Variants in CDH9 observed in about 807,000 individuals in gnomAD.
The protein encoded by CDH9 is cadherin 9.
In CDH9, 28 loss-of-function variants were observed where a neutral mutation model predicts 70.9. The ratio of observed to expected loss-of-function variants is 0.40; its 90% CI spans 0.29 to 0.54. CDH9 has a LOEUF of 0.54. Among genes scored for constraint, CDH9 ranks in the 20% least tolerant of loss-of-function variants. CDH9 has a pLI of 0.59. For synonymous variants in CDH9, 409 were observed against 343.1 expected (o/e 1.19, Z -2.12); for missense variants, 874 against 984.4 (o/e 0.89, Z 1.50).
chr5:26,885,800 A>T lies in CDH9; in HGVS notation c.1696T>A (p.Leu566Met). The change falls in exon 11 of 12, where the codon TTG becomes ATG. Residue 566 changes from leucine to methionine, a missense_variant. Transcript: ENST00000231021. ...YSRNKMSTYL[L>M]PILIFDNDYP... The stretch of plus-strand genomic sequence containing the variant: ...TCGTTGTCAAAGATTAAAATCGGCA[A>T]TAAGTAGGTGCTCATTTTGTTGCGA... 6.2e-7 allele frequency: 1 copy of T among 1,613,900 alleles called. No homozygotes were observed.
chr5:26,936,063 G>A (rs535387461), intron 2 of CDH9, among the ~76,000 whole-genome samples: 238 of 152,070 alleles, frequency 1.6e-3, no homozygotes, highest in African/African-American at 3.9e-3. Context: ...ATGTGAAGGC[G>A]TGAGAATGAT....
chr5:26,984,260 C>T (rs1742453189), intron 2 of CDH9, among the ~76,000 whole-genome samples: 1 of 152,062 alleles, frequency 6.6e-6, no homozygotes, highest in African/African-American at 2.4e-5. Context: ...CTCATTAGCT[C>T]CACGTTCCTT....
At chr5:26,955,432 A>G (rs1741929667) in intron 2 of CDH9, among the ~76,000 whole-genome samples, 1 of 152,196 alleles carries the variant, frequency 6.6e-6, no homozygotes, top group Admixed American at 6.5e-5. Context: ...TCAGGGCTCA[A>G]GGGGAGAATT....
At chr5:27,004,184 C>A (rs1232009499) in intron 1 of CDH9, among the ~76,000 whole-genome samples, 3 of 150,290 alleles carry the variant, frequency 2.0e-5, no homozygotes, top group African/African-American at 4.9e-5. Context: ...GGAGATAGGG[C>A]ATGAGACATG....
intron 2 of CDH9, among the ~76,000 whole-genome samples, chr5:26,966,154 T>C (rs949545567): frequency 2.6e-5 from 4 of 152,126 alleles, no homozygotes; most frequent in African/African-American, 9.7e-5. Context: ...GTTCCTCATA[T>C]CCAGTGGCTG....
intron 2 of CDH9, among the ~76,000 whole-genome samples, chr5:26,924,092 A>T (rs1255303979): frequency 6.6e-6 from 1 of 152,104 alleles, no homozygotes; most frequent in African/African-American, 2.4e-5. Context: ...ACAATACAGA[A>T]GATCAATGAA....
chr5:26,960,000 A>G (rs891664585), intron 2 of CDH9, among the ~76,000 whole-genome samples: 1 of 152,036 alleles, frequency 6.6e-6, no homozygotes, highest in Non-Finnish European at 1.5e-5. Flanking sequence ...GTGCACTTCA[A>G]AATGGTTAAT....
At chr5:26,970,422 C>T (rs1742199089) in intron 2 of CDH9, among the ~76,000 whole-genome samples, 1 of 151,812 alleles carries the variant, frequency 6.6e-6, no homozygotes, top group Non-Finnish European at 1.5e-5. Context: ...AACAATTTAC[C>T]TAACATGAGA....
Position 26,889,928 on chromosome 5 carries a change from C to T in CDH9, c.1420G>A (p.Val474Ile). ...TTTATATCTAGAATTCTGATGAAGA[C>T]AGGGATGTGGCTACTTTGTTTTGGG... is the stretch of plus-strand genomic sequence containing the variant. ...NNPKQSSHIPVFIRILDINDH... is the reference protein window; with the variant it reads ...NNPKQSSHIPIFIRILDINDH... The change falls in exon 9 of 12, where the codon GTC becomes ATC. Residue 474 changes from valine to isoleucine, a missense_variant. Physicochemically the swap from Val to Ile is conservative, Grantham distance 29 (BLOSUM62 3). Coordinates refer to ENST00000231021, the MANE Select transcript of CDH9 (RefSeq NM_016279.4). The T allele has an allele frequency of 6.2e-7, 1 of 1,607,890 alleles. No individual in the cohort carries two copies. The highest frequency in any genetic ancestry group is 8.5e-7 in the Non-Finnish European group (1 of 1,175,814).
chr5:27,025,406 A>G (rs1274402373), intron 1 of CDH9, among the ~76,000 whole-genome samples: 1 of 152,094 alleles, frequency 6.6e-6, no homozygotes, highest in Non-Finnish European at 1.5e-5. Context: ...GAGACCAATC[A>G]GAAGACTGAC....
intron 2 of CDH9, among the ~76,000 whole-genome samples, chr5:26,962,975 C>T (rs1742063883): frequency 6.6e-6 from 1 of 152,054 alleles, no homozygotes; most frequent in African/African-American, 2.4e-5. Context: ...TATTTTCCTA[C>T]AGAAAAATTT....
intron 2 of CDH9, among the ~76,000 whole-genome samples, chr5:26,978,992 T>C (rs1742350531): frequency 6.6e-6 from 1 of 151,664 alleles, no homozygotes; most frequent in African/African-American, 2.4e-5. Context: ...ACACTACAAG[T>C]AATGCTGAAA....
rs1430546517 is a variant in CDH9, at chr5:27,029,738, G to A, written c.-50+8725C>T. Among the ~76,000 whole-genome samples the A allele has an allele frequency of 9.2e-5, 14 of 152,038 alleles. No individual in the cohort carries two copies. The East Asian group carries it at 2.7e-3, about 30-fold the overall frequency. ...TTCCTGATTACGAGTCTAAATGAGAGGAAAGTGAAGGGCTCATACAGGATC... is the reference window on the plus strand; with the variant it reads ...TTCCTGATTACGAGTCTAAATGAGAAGAAAGTGAAGGGCTCATACAGGATC... On this transcript the variant is annotated intron_variant, in intron 1 of 11. Coordinates refer to ENST00000231021, the MANE Select transcript of CDH9 (RefSeq NM_016279.4).
intron 2 of CDH9, among the ~76,000 whole-genome samples, chr5:26,957,574 A>AT (rs993567550): frequency 6.6e-6 from 1 of 152,078 alleles, no homozygotes; most frequent in Non-Finnish European, 1.5e-5. Context: ...AGGAAGGAGA[A>AT]TTGCTTGAAC....
intron 1 of CDH9, among the ~76,000 whole-genome samples, chr5:26,998,579 G>A (rs544179582): frequency 6.6e-6 from 1 of 152,102 alleles, no homozygotes; most frequent in African/African-American, 2.4e-5. Flanking sequence ...GGGGTCTGTT[G>A]TGGGGTGGGG....
At chr5:26,914,236 A>T (rs563552258) in intron 3 of CDH9, among the ~76,000 whole-genome samples, 25 of 152,144 alleles carry the variant, frequency 1.6e-4, no homozygotes, top group African/African-American at 5.8e-4. Context: ...AAACAATAAT[A>T]TTTTACAAAA....
intron 2 of CDH9, among the ~76,000 whole-genome samples, chr5:26,965,584 T>TAATAATAAG (rs1742115383): frequency 6.7e-6 from 1 of 149,118 alleles, no homozygotes; most frequent in African/African-American, 2.5e-5. Flanking sequence ...TTAATAATAA[T>TAATAATAAG]AATAATAATA....
In CDH9 at chr5:26,887,153, A is replaced by C. The variant is rs1246891390; in HGVS notation, c.1513-1070T>G. Among the ~76,000 whole-genome samples, 5 of 152,106 alleles carry C rather than the reference A, an allele frequency of 3.3e-5. No homozygotes were observed. In the East Asian group the frequency reaches 9.6e-4, roughly 29 times the overall value. On this transcript the variant is annotated intron_variant, in intron 9 of 11. Transcript: ENST00000231021. ...ATGATATGTAACTGTATTTTTAATA[A>C]AGTGCTTTTGAAAGTGCACAATGCA... is the stretch of plus-strand genomic sequence containing the variant.
chr5:27,038,341 T>A (rs989469154), intron 1 of CDH9, 122 bp downstream of exon 1: 30 of 142,092 alleles, frequency 2.1e-4, no homozygotes, highest in Admixed American at 1.4e-3. Context: ...TTCCAAGTGT[T>A]GAGAGAGAGA....
Sources: gnomAD v4.1 joint callset for allele counts (sites outside exome capture counted in the v4.1 genomes callset) on GRCh38, gnomAD v4.1.1 for gene constraint, MANE v1.5 for transcripts, NCBI Gene and HGNC (gene_info 2026-07-23, HGNC 2026-07-21) for gene names.